Variants in RGS5 observed in about 807,000 individuals in gnomAD.
The protein encoded by RGS5 is regulator of G-protein signalling 5.
Under a neutral mutation model 18.9 loss-of-function variants are expected in RGS5, and 20 were observed. The observed-to-expected ratio is 1.06, with a 90% CI of 0.74 to 1.54. The LOEUF is 1.54. RGS5 is among the 40% of genes most tolerant of loss of function. RGS5 has a pLI of 0.00. For synonymous variants in RGS5, 57 were observed against 76.2 expected (o/e 0.75, Z 1.31); for missense variants, 201 against 211.8 (o/e 0.95, Z 0.32).
At chr1:163,171,056 C>G (rs1396261222) in intron 1 of RGS5, among the ~76,000 whole-genome samples, 2 of 152,134 alleles carry the variant, frequency 1.3e-5, no homozygotes, top group Non-Finnish European at 2.9e-5. Flanking sequence ...TTAGTTCTAA[C>G]TACACAATCA....
intron 2 of RGS5, among the ~76,000 whole-genome samples, chr1:163,263,585 T>C (rs991259698): frequency 6.6e-6 from 1 of 152,112 alleles, no homozygotes; most frequent in African/African-American, 2.4e-5. Context: ...TGAACTCCAG[T>C]GGCAAAAATT....
chr1:163,229,682 A>G (rs552915938), intron 2 of RGS5, among the ~76,000 whole-genome samples: 1 of 152,220 alleles, frequency 6.6e-6, no homozygotes, highest in East Asian at 1.9e-4. Flanking sequence ...CTCTCCTCAG[A>G]TAGCTACATG....
In RGS5 at chr1:163,147,504, CT is replaced by C; in HGVS notation, c.385-2del. The C allele has an allele frequency of 6.3e-7, 1 of 1,576,708 alleles. No homozygotes were observed. The highest frequency in any genetic ancestry group is 8.6e-7 in the Non-Finnish European group (1 of 1,164,490). On this transcript the variant is annotated splice_acceptor_variant, in intron 4 of 4. Transcript: ENST00000313961. LOFTEE classifies it high-confidence loss of function. ...CCTTAGTGAAGTGGTCAATATTCAC[CT>C]GTGGGCCAGGAAACAGGGTCACTAC...
At position 163,232,937 on chromosome 1, in the gene RGS5, T is replaced by C. The variant is rs188812331; in HGVS notation, c.-280-64569A>G. On this transcript the variant is annotated intron_variant, in intron 2 of 5. Coordinates refer to the RGS5 transcript ENST00000618415. ...AGAAAATTTAACATCGATAAAATAA[T>C]ACTATTTACTATTCAGCCTATGTTC... Among the ~76,000 whole-genome samples, 6 of 152,312 alleles carry C rather than the reference T, an allele frequency of 3.9e-5. No homozygotes were observed. The East Asian group carries it at 1.2e-3, about 29-fold the overall frequency.
chr1:163,300,099 T>C (rs1649515572), intron 2 of RGS5, among the ~76,000 whole-genome samples: 1 of 152,210 alleles, frequency 6.6e-6, no homozygotes, highest in African/African-American at 2.4e-5. Context: ...ATTATCTCTT[T>C]TCTAGAGAGG....
At chr1:163,229,793 C>G (rs1461262568) in intron 2 of RGS5, among the ~76,000 whole-genome samples, 2 of 152,216 alleles carry the variant, frequency 1.3e-5, no homozygotes, top group East Asian at 3.9e-4. Context: ...ACACAATACT[C>G]TCCTTACGTC....
chr1:163,295,911 C>CT lies in RGS5; in HGVS notation c.-281+10321dup, dbSNP rs965530156. On this transcript the variant is annotated intron_variant, in intron 2 of 5. Transcript: ENST00000618415. ...GCCTGTTATTATGCTAAGTATCAAT[C>CT]TTTTTTTTTCAATCAACTCTCTGTT... Among the ~76,000 whole-genome samples the CT allele has an allele frequency of 1.1e-3, 165 of 151,582 alleles. 1 individual carries two copies. Among genetic ancestry groups the CT allele is most frequent in the Admixed American group, 3.6e-3 (54 of 15,200 alleles).
chr1:163,214,889 G>A lies in RGS5; in HGVS notation c.69+2637C>T, dbSNP rs1479857252. 2.0e-5 allele frequency among the ~76,000 whole-genome samples: 3 copies of A among 152,054 alleles called. No individual in the cohort carries two copies. In the East Asian group the frequency reaches 5.8e-4, roughly 29 times the overall value. ...TTTTTCCAAGATTCTTCATTACTTT[G>A]TGGTTTTAAACAAAGAAATCATTGT... On this transcript the variant is annotated intron_variant, in intron 1 of 5. Transcript: ENST00000367903.
At chr1:163,295,985 T>C (rs1571347017) in intron 2 of RGS5, among the ~76,000 whole-genome samples, 1 of 152,104 alleles carries the variant, frequency 6.6e-6, no homozygotes, top group South Asian at 2.1e-4. Flanking sequence ...GGAAAAAAAA[T>C]TTATCAAGCT....
At chr1:163,190,647 T>C (rs948173875) in intron 1 of RGS5, among the ~76,000 whole-genome samples, 3 of 152,178 alleles carry the variant, frequency 2.0e-5, no homozygotes, top group African/African-American at 7.2e-5. Flanking sequence ...TTGTGGACAG[T>C]AGTTCCACGG....
chr1:163,167,281 C>A (rs1438144389), intron 2 of RGS5, among the ~76,000 whole-genome samples: 2 of 152,176 alleles, frequency 1.3e-5, no homozygotes, highest in Non-Finnish European at 2.9e-5. Flanking sequence ...TCTGTGATAT[C>A]CTCAAAGCTC....
chr1:163,241,486 T>C (rs937252825), intron 2 of RGS5, among the ~76,000 whole-genome samples: 7 of 152,348 alleles, frequency 4.6e-5, no homozygotes, highest in African/African-American at 1.4e-4. Flanking sequence ...TATTTTCTTG[T>C]GATAAAATTG....
intron 1 of RGS5, among the ~76,000 whole-genome samples, chr1:163,213,397 G>A (rs1363653377): frequency 6.6e-6 from 1 of 152,184 alleles, no homozygotes; most frequent in Non-Finnish European, 1.5e-5. Context: ...AGAAGTCACT[G>A]GAAATGGGGG....
At chr1:163,163,965 C>T (rs990276614) in intron 2 of RGS5, among the ~76,000 whole-genome samples, 1 of 152,196 alleles carries the variant, frequency 6.6e-6, no homozygotes, top group Admixed American at 6.5e-5. Context: ...GTTATCCAAT[C>T]TGATTTTTCC....
intron 2 of RGS5, among the ~76,000 whole-genome samples, chr1:163,275,273 T>A (rs2101714788): frequency 6.6e-6 from 1 of 152,308 alleles, no homozygotes; most frequent in Middle Eastern, 3.4e-3. Context: ...ACCCATGGTC[T>A]CTGATCAACC....
chr1:163,242,440 G>C (rs1020522064), intron 2 of RGS5, among the ~76,000 whole-genome samples: 1 of 152,188 alleles, frequency 6.6e-6, no homozygotes, highest in African/African-American at 2.4e-5. Flanking sequence ...ACAGGTGGAA[G>C]AGAGTTGTGA....
chr1:163,281,976 A>C (rs1415562349), intron 2 of RGS5, among the ~76,000 whole-genome samples: 2 of 152,134 alleles, frequency 1.3e-5, no homozygotes, highest in East Asian at 3.9e-4. Flanking sequence ...GAAGAAAACA[A>C]AAGGAAAATG....
chr1:163,230,003 T>C (rs898827181), intron 2 of RGS5, among the ~76,000 whole-genome samples: 6 of 152,210 alleles, frequency 3.9e-5, no homozygotes, highest in Non-Finnish European at 7.3e-5. Context: ...TTACATCTAA[T>C]TGTTGGCTGA....
intron 2 of RGS5, among the ~76,000 whole-genome samples, chr1:163,243,884 T>C (rs990269428): frequency 1.3e-5 from 2 of 151,828 alleles, no homozygotes; most frequent in Admixed American, 1.3e-4. Flanking sequence ...GAATATTGTA[T>C]TGGTTAAGGA....
Sources: allele counts gnomAD v4.1 joint callset (sites outside exome capture counted in the v4.1 genomes callset), GRCh38; gene constraint gnomAD v4.1.1; transcripts MANE v1.5; gene names NCBI Gene and HGNC (gene_info 2026-07-23, HGNC 2026-07-21).